The following HPS4 variants were observed in gnomAD, a reference collection of about 807,000 sequenced individuals.
The protein encoded by HPS4 is HPS4 biogenesis of lysosomal organelles complex 3 subunit 2.
A neutral mutation model predicts 70.3 loss-of-function variants in HPS4; 44 were observed. The observed-to-expected ratio is 0.63, with a 90% CI of 0.49 to 0.80. The LOEUF (loss-of-function observed/expected upper bound fraction) is 0.80, where lower values mean the gene tolerates loss of function less well. Among genes scored for constraint, HPS4 ranks in the 30% least tolerant of loss-of-function variants. The pLI is 0.00. For missense variants in HPS4, 873 were observed against 884.4 expected (o/e 0.99, Z 0.16); for synonymous variants, 377 against 355.9 (o/e 1.06, Z -0.67).
At chr22:26,483,461 A>C (rs1433906496) in intron 1 of HPS4, among the ~76,000 whole-genome samples, 1 of 152,198 alleles carries the variant, frequency 6.6e-6, no homozygotes, top group African/African-American at 2.4e-5. Flanking sequence ...AACGGACGCT[A>C]ATGGCTGGAA....
At chr22:26,466,119 G>C in intron 9 of HPS4, 107 bp downstream of exon 9, 2 of 1,611,628 alleles carry the variant, frequency 1.2e-6, no homozygotes, top group Non-Finnish European at 1.7e-6. Context: ...TATGAGCAGA[G>C]GAAATAAACA....
chr22:26,452,769 C>G lies in HPS4; in HGVS notation c.*464G>C. ...CCTACCTGCGGCGTGGGAGTGGAGT[C>G]GGCCTGCTCACAGATCCGGCACCTC... On this transcript the variant is annotated 3_prime_UTR_variant, in exon 14 of 14. Transcript: ENST00000398145. 4.0e-6 allele frequency: 1 copy of G among 247,772 alleles called. No individual in the cohort carries two copies. Among genetic ancestry groups the G allele is most frequent in the South Asian group, 4.8e-5 (1 of 20,732 alleles). 15.3% of individuals were successfully genotyped at this position (247,772 alleles called of 1,614,324 possible).
At chr22:26,443,884 G>A (rs1296110865), downstream of HPS4, 1 of 152,290 alleles carries the variant, frequency 6.6e-6, no homozygotes, top group Non-Finnish European at 1.5e-5. Flanking sequence ...CATTGGGCCA[G>A]TAGGACTGGA....
intron 11 of HPS4, 26 bp downstream of exon 11, chr22:26,463,891 G>A (rs2146532911): frequency 1.2e-6 from 2 of 1,608,780 alleles, no homozygotes; most frequent in South Asian, 1.1e-5. Flanking sequence ...CCGCAGAGGG[G>A]CAGGAGAAGG....
rs2085523922 is a variant in HPS4, at chr22:26,453,378, C to A, written c.1982G>T (p.Cys661Phe). ...ATATGTCTCCTGGATGGGGTTGCAACAGGCGTACACAGCCGTGGAGGCATT... is the reference window on the plus strand; with the variant it reads ...ATATGTCTCCTGGATGGGGTTGCAAAAGGCGTACACAGCCGTGGAGGCATT... ...VRNASTAVYA[C>F]CNPIQETYFQ... The change falls in exon 14 of 14, where the codon TGT becomes TTT. Residue 661 changes from cysteine (C) to phenylalanine (F), a missense_variant. By Grantham distance (205) the Cys-to-Phe change is radical (BLOSUM62 -2). Transcript: ENST00000398145. The A allele has an allele frequency of 6.2e-7, 1 of 1,614,038 alleles. No homozygotes were observed. Among genetic ancestry groups the A allele is most frequent in the Non-Finnish European group, 8.5e-7 (1 of 1,180,056 alleles).
intron 7 of HPS4, 75 bp downstream of exon 7, chr22:26,470,644 T>C: frequency 6.9e-7 from 1 of 1,442,584 alleles, no homozygotes; most frequent in Non-Finnish European, 9.7e-7. Flanking sequence ...CTCCCCACTG[T>C]GATCTGGAGG....
At chr22:26,455,156 T>C (rs979013850) in intron 13 of HPS4, among the ~76,000 whole-genome samples, 75 of 151,498 alleles carry the variant, frequency 5.0e-4, no homozygotes, top group Admixed American at 3.6e-3. Context: ...AGTTCAACCA[T>C]TGTGGAAGTC....
intron 11 of HPS4, among the ~76,000 whole-genome samples, chr22:26,458,799 T>G: frequency 6.7e-6 from 1 of 148,404 alleles, no homozygotes; most frequent in Non-Finnish European, 1.5e-5. Flanking sequence ...CCAGCCTGGG[T>G]GATAGAGTGA....
intron 8 of HPS4, chr22:26,467,586 G>C (rs1025768343): frequency 6.6e-6 from 1 of 152,210 alleles, no homozygotes; most frequent in African/African-American, 2.4e-5. Context: ...TTCCCAGAAA[G>C]GCTACTTGAA....
intron 4 of HPS4, chr22:26,475,812 C>A (rs911723149): frequency 2.0e-5 from 3 of 151,944 alleles, no homozygotes; most frequent in African/African-American, 7.3e-5. Context: ...GAGGCCAAGG[C>A]GGGAGGATTC....
rs1186122938 is a variant in HPS4, at chr22:26,463,905, G to A, written c.1713+12C>T. On this transcript the variant is annotated intron_variant, in intron 11 of 13. Transcript: ENST00000398145. Reference sequence around the variant, plus strand: ...GCCGCAGAGGGGCAGGAGAAGGTCTGAGGACACTCACCACTTCCTCTATGG... The same window carrying A: ...GCCGCAGAGGGGCAGGAGAAGGTCTAAGGACACTCACCACTTCCTCTATGG... 1 of 1,612,076 alleles carries A rather than the reference G, an allele frequency of 6.2e-7. No homozygotes were observed. The highest frequency in any genetic ancestry group is 1.1e-5 in the South Asian group (1 of 90,952).
At chr22:26,443,508 C>A (rs2084874006), downstream of HPS4, 1 of 250,028 alleles carries the variant, frequency 4.0e-6, no homozygotes, top group Admixed American at 5.3e-5. Flanking sequence ...AGACTTAGTG[C>A]CCTTGTAAGT....
At chr22:26,469,352 G>A (rs1270933352) in intron 7 of HPS4, among the ~76,000 whole-genome samples, 1 of 151,398 alleles carries the variant, frequency 6.6e-6, no homozygotes, top group African/African-American at 2.4e-5. Context: ...TTCCAGCTAC[G>A]TGGGAGGATC....
chr22:26,458,281 C>T (rs1292703017), intron 12 of HPS4, among the ~76,000 whole-genome samples, 164 bp downstream of exon 12: 3 of 152,232 alleles, frequency 2.0e-5, no homozygotes, highest in Admixed American at 6.5e-5. Flanking sequence ...CCAGTGAACG[C>T]CACACTCAGT....
chr22:26,451,986 A>ACGCGCG lies in HPS4; in HGVS notation c.*1241_*1246dup, dbSNP rs10573454. Reference sequence around the variant, plus strand: ...AGGAAAAGAGGGATGCGCCCACGTTACGCGCGCGCGCGCGCGCGCACACAC... The same window carrying ACGCGCG: ...AGGAAAAGAGGGATGCGCCCACGTTACGCGCGCGCGCGCGCGCGCGCGCGCACACAC... On this transcript the variant is annotated 3_prime_UTR_variant, in exon 14 of 14. Coordinates refer to ENST00000398145, the MANE Select transcript of HPS4 (RefSeq NM_022081.6). The ACGCGCG allele has an allele frequency of 7.4e-5, 11 of 148,250 alleles. No homozygotes were observed. Among genetic ancestry groups the ACGCGCG allele is most frequent in the African/African-American group, 2.4e-4 (8 of 33,300 alleles). 9.2% of individuals were successfully genotyped at this position (148,250 alleles called of 1,614,324 possible). A position where few individuals can be genotyped will look rare whatever the true frequency, so the allele number is the denominator to read the frequency against.
At chr22:26,456,588 G>A (rs1291159625) in intron 13 of HPS4, among the ~76,000 whole-genome samples, 3 of 152,224 alleles carry the variant, frequency 2.0e-5, no homozygotes, top group Non-Finnish European at 4.4e-5. Flanking sequence ...GAAACCAGGA[G>A]ACAGAGGTTG....
rs1396082295 is a variant in HPS4 at position 26,464,344 on chromosome 22, G to C, written c.1286C>G (p.Ser429Cys). ...DTAISSLRPP[S>C]APEMLTQHGA... is the part of the protein sequence containing the mutation. The stretch of plus-strand genomic sequence containing the variant: ...ATGCTGGGTCAGCATCTCAGGAGCA[G>C]AGGGAGGGCGCAAGCTGCTGATGGC... The change falls in exon 11 of 14, where the codon TCT becomes TGT. Residue 429 changes from serine (S) to cysteine (C), a missense_variant. Coordinates refer to ENST00000398145, the MANE Select transcript of HPS4 (RefSeq NM_022081.6). 6 of 1,614,030 alleles carry C rather than the reference G, an allele frequency of 3.7e-6. No individual in the cohort carries two copies. Among genetic ancestry groups the C allele is most frequent in the Non-Finnish European group, 3.4e-6 (4 of 1,180,046 alleles).
At chr22:26,470,929 A>G in intron 6 of HPS4, 116 bp from the exon 7 acceptor site, 2 of 1,552,166 alleles carry the variant, frequency 1.3e-6, no homozygotes, top group Non-Finnish European at 1.7e-6. Flanking sequence ...AAGCCTGGAA[A>G]AGGAGAATGT....
At chr22:26,468,662 A>G (rs2089195832) in intron 7 of HPS4, 39 bp from the exon 8 acceptor site, 3 of 1,570,398 alleles carry the variant, frequency 1.9e-6, no homozygotes, top group African/African-American at 2.7e-5. Context: ...CCATGAGACG[A>G]AATACACCAA....
Sources: gnomAD v4.1 joint callset for allele counts (sites outside exome capture counted in the v4.1 genomes callset) on GRCh38, gnomAD v4.1.1 for gene constraint, MANE v1.5 for transcripts, NCBI Gene and HGNC (gene_info 2026-07-23, HGNC 2026-07-21) for gene names.